Variants in CCBE1 observed in about 807,000 individuals in gnomAD.
The protein encoded by CCBE1 is collagen and calcium-binding EGF domain-containing protein 1.
A neutral mutation model predicts 50.0 loss-of-function variants in CCBE1; 37 were observed. The observed-to-expected ratio is 0.74, with a 90% CI of 0.57 to 0.97. The LOEUF (loss-of-function observed/expected upper bound fraction) is 0.97. Among genes scored for constraint, CCBE1 ranks in the 50% least tolerant of loss-of-function variants. The probability of loss-of-function intolerance (pLI) is 0.00; values close to 1 mark genes in which losing one functional copy is unlikely to be tolerated. For missense variants in CCBE1, 538 were observed against 523.8 expected, an observed-to-expected ratio of 1.03 and a Z score of -0.26; for synonymous variants, 234 against 203.7, an observed-to-expected ratio of 1.15 and a Z score of -1.27.
chr18:59,606,969 G>A (rs1231095668), intron 2 of CCBE1, among the ~76,000 whole-genome samples: 1 of 151,164 alleles, frequency 6.6e-6, no homozygotes, highest in Non-Finnish European at 1.5e-5. Flanking sequence ...TAGACTGTCC[G>A]AGTCATGTCT....
At chr18:59,601,501 CTG>C (rs1472419993) in intron 2 of CCBE1, among the ~76,000 whole-genome samples, 1 of 152,310 alleles carries the variant, frequency 6.6e-6, no homozygotes, top group East Asian at 1.9e-4. Flanking sequence ...CCGTGTGGAA[CTG>C]TGAGTCCATT....
intron 2 of CCBE1, among the ~76,000 whole-genome samples, chr18:59,658,781 G>A (rs1487372615): frequency 6.7e-6 from 1 of 148,512 alleles, no homozygotes; most frequent in African/African-American, 2.5e-5. Flanking sequence ...TTGGGAGGCT[G>A]AGGCAGGAAA....
chr18:59,635,634 A>C (rs2053905672), intron 2 of CCBE1, among the ~76,000 whole-genome samples: 1 of 152,200 alleles, frequency 6.6e-6, no homozygotes, highest in Admixed American at 6.5e-5. Context: ...GATATTTGTG[A>C]ACAATAGACA....
At chr18:59,595,683 G>T (rs142170199) in intron 2 of CCBE1, among the ~76,000 whole-genome samples, 1 of 152,334 alleles carries the variant, frequency 6.6e-6, no homozygotes, top group East Asian at 1.9e-4. Flanking sequence ...AGGTAAACAT[G>T]TATGAATATA....
chr18:59,592,537 T>C (rs892659786), intron 2 of CCBE1, among the ~76,000 whole-genome samples: 2 of 152,246 alleles, frequency 1.3e-5, no homozygotes, highest in African/African-American at 2.4e-5. Context: ...ATCTACAATA[T>C]ATTGATAAGC....
intron 2 of CCBE1, among the ~76,000 whole-genome samples, chr18:59,514,470 G>A (rs1037527149): frequency 2.6e-5 from 4 of 152,076 alleles, no homozygotes; most frequent in African/African-American, 9.7e-5. Flanking sequence ...AATCTCACAA[G>A]CTAGTCTGAC....
chr18:59,646,815 C>G (rs2054060424), intron 2 of CCBE1, among the ~76,000 whole-genome samples: 1 of 152,190 alleles, frequency 6.6e-6, no homozygotes, highest in African/African-American at 2.4e-5. Flanking sequence ...TGTGTTTTAA[C>G]CATCAGCCAA....
chr18:59,644,718 TC>T (rs201631009), intron 2 of CCBE1, among the ~76,000 whole-genome samples: 2,764 of 152,050 alleles, frequency 0.018, 36 homozygotes, highest in Non-Finnish European at 0.031. Flanking sequence ...CTCCTATTTC[TC>T]CCCCCACACC....
chr18:59,454,820 G>A (rs1911105176), intron 6 of CCBE1, 31 bp downstream of exon 6: 2 of 1,565,188 alleles, frequency 1.3e-6, no homozygotes. Context: ...CTTCCATCAG[G>A]CATCATCGTT....
In CCBE1 at chr18:59,522,993, CAAAAAAA is replaced by C. The variant is rs57217059; in HGVS notation, c.213-42762_213-42756del. 1.9e-4 allele frequency among the ~76,000 whole-genome samples: 17 copies of C among 89,222 alleles called. No individual in the cohort carries two copies. In the South Asian group the frequency reaches 1.9e-3, roughly 10 times the overall value. The allele number at this position is 89,222 out of a possible 152,430, so 58.5% of individuals were successfully genotyped here. A position where few individuals can be genotyped will look rare whatever the true frequency, so the allele number is the denominator to read the frequency against. ...GGCAACAGAGTGAGAGACTCTGTTT[CAAAAAAA>C]AAAAAAAAAAAAATTCTCAATGTTA... is the stretch of plus-strand genomic sequence containing the variant. On this transcript the variant is annotated intron_variant, in intron 2 of 10. Coordinates refer to ENST00000439986, the MANE Select transcript of CCBE1 (RefSeq NM_133459.4).
intron 2 of CCBE1, among the ~76,000 whole-genome samples, chr18:59,571,968 T>C (rs751507671): frequency 6.6e-6 from 1 of 152,228 alleles, no homozygotes; most frequent in Non-Finnish European, 1.5e-5. Flanking sequence ...TAGTCTAGTC[T>C]TTAATCTCTG....
intron 2 of CCBE1, among the ~76,000 whole-genome samples, chr18:59,645,099 C>A (rs2054039312): frequency 6.6e-6 from 1 of 152,102 alleles, no homozygotes; most frequent in Admixed American, 6.5e-5. Flanking sequence ...ACTAAAAATA[C>A]AAAAATTAGC....
chr18:59,438,864 T>C (rs897035747), intron 9 of CCBE1, among the ~76,000 whole-genome samples: 4 of 152,168 alleles, frequency 2.6e-5, no homozygotes, highest in African/African-American at 9.7e-5. Flanking sequence ...GTGAGAGACC[T>C]TCAGGCCGGG....
Position 59,696,708 on chromosome 18 carries a change from C to G in CCBE1, c.133G>C (p.Glu45Gln). Residue 45 changes from glutamate (E) to glutamine (Q), a missense_variant and splice_region_variant, in exon 2 of 11, where the codon GAA (glutamate) becomes CAA (glutamine). Glu to Gln is a conservative substitution (Grantham distance 29, BLOSUM62 2). Transcript: ENST00000439986. ...YREEPEDGDR[E>Q]ICSESKIATT... The stretch of plus-strand genomic sequence containing the variant: ...GCGATTTTGCTCTCTGAGCAGATTT[C>G]TCTATGAAAAAGTGCAGAGGAAATG... The G allele has an allele frequency of 6.2e-7, 1 of 1,613,846 alleles. No homozygotes were observed. The highest frequency in any genetic ancestry group is 8.5e-7 in the Non-Finnish European group (1 of 1,179,838).
chr18:59,657,423 C>A (rs2054205539), intron 2 of CCBE1, among the ~76,000 whole-genome samples: 1 of 152,246 alleles, frequency 6.6e-6, no homozygotes, highest in South Asian at 2.1e-4. Flanking sequence ...CATTTGTATC[C>A]AACCCTGACA....
intron 2 of CCBE1, among the ~76,000 whole-genome samples, chr18:59,638,622 G>T (rs2053944651): frequency 6.6e-6 from 1 of 152,100 alleles, no homozygotes; most frequent in Admixed American, 6.5e-5. Context: ...AATATATAAA[G>T]CTTAGAAAAA....
chr18:59,594,867 A>C (rs559944778), intron 2 of CCBE1, among the ~76,000 whole-genome samples: 473 of 152,200 alleles, frequency 3.1e-3, no homozygotes, highest in Admixed American at 7.4e-3. Context: ...TAATCCCAGC[A>C]CTTTGGGAGG....
At chr18:59,492,713 G>A (rs567997213) in intron 2 of CCBE1, among the ~76,000 whole-genome samples, 6 of 152,272 alleles carry the variant, frequency 3.9e-5, no homozygotes. Context: ...GTTGTTTTTG[G>A]TTTCAATTAC....
chr18:59,696,693 T>G lies in CCBE1; in HGVS notation c.148A>C (p.Ser50Arg). The change falls in exon 2 of 11, where the codon AGC (serine) becomes CGC (arginine). Residue 50 changes from serine (S) to arginine (R), a missense_variant. Transcript: ENST00000439986. ...GGGTATTTAGTCGTCGCGATTTTGC[T>G]CTCTGAGCAGATTTCTCTATGAAAA... ...EDGDREICSE[S>R]KIATTKYPCL... 2 of 1,614,006 alleles carry G rather than the reference T, an allele frequency of 1.2e-6. No homozygotes were observed. Among genetic ancestry groups the G allele is most frequent in the Non-Finnish European group, 1.7e-6 (2 of 1,179,930 alleles).
Sources: gnomAD v4.1 joint callset for allele counts (sites outside exome capture counted in the v4.1 genomes callset) on GRCh38, gnomAD v4.1.1 for gene constraint, MANE v1.5 for transcripts, NCBI Gene and HGNC (gene_info 2026-07-23, HGNC 2026-07-21) for gene names.